Variants in SLC35F4 observed in about 807,000 individuals in gnomAD.
SLC35F4 encodes solute carrier family 35 member F4, also known as chromosome 14 open reading frame 36.
In SLC35F4, 24 loss-of-function variants were observed where a neutral mutation model predicts 44.2. The observed-to-expected ratio is 0.54, with a 90% CI of 0.39 to 0.76. The LOEUF is 0.76. Ranked by LOEUF, SLC35F4 falls within the 30% of genes least tolerant of loss-of-function variation. The pLI, the probability that SLC35F4 is intolerant of heterozygous loss-of-function variation, is 0.00. For synonymous variants in SLC35F4, 238 were observed against 223.6 expected (o/e 1.06, Z -0.57); for missense variants, 562 against 586.1 (o/e 0.96, Z 0.42).
At chr14:57,599,625 T>C (rs919574156) in intron 1 of SLC35F4, among the ~76,000 whole-genome samples, 25 of 151,920 alleles carry the variant, frequency 1.6e-4, no homozygotes, top group Non-Finnish European at 2.9e-5. Flanking sequence ...GTGGATCACC[T>C]GAGGTCAGTA....
At chr14:57,872,644 G>A (rs1244695902) in intron 1 of SLC35F4, among the ~76,000 whole-genome samples, 1 of 152,080 alleles carries the variant, frequency 6.6e-6, no homozygotes, top group Admixed American at 6.6e-5. Context: ...GAAAGTGCAG[G>A]GGACAGATGT....
At chr14:57,811,910 C>T (rs1011191720) in intron 1 of SLC35F4, among the ~76,000 whole-genome samples, 6 of 152,048 alleles carry the variant, frequency 3.9e-5, no homozygotes, top group African/African-American at 1.4e-4. Context: ...GGAGCCCAGA[C>T]ATTTGAGGCT....
At chr14:57,684,691 C>T (rs1475826809) in intron 1 of SLC35F4, among the ~76,000 whole-genome samples, 1 of 152,178 alleles carries the variant, frequency 6.6e-6, no homozygotes, top group African/African-American at 2.4e-5. Flanking sequence ...TGGCCTCCCT[C>T]CTGACAGAAA....
intron 1 of SLC35F4, among the ~76,000 whole-genome samples, chr14:57,741,095 A>T (rs1277129047): frequency 6.6e-6 from 1 of 152,228 alleles, no homozygotes; most frequent in Non-Finnish European, 1.5e-5. Context: ...ACCATCATCA[A>T]AGACCAAAGG....
intron 1 of SLC35F4, among the ~76,000 whole-genome samples, chr14:57,661,552 A>G (rs1195956567): frequency 6.6e-6 from 1 of 152,228 alleles, no homozygotes; most frequent in Admixed American, 6.5e-5. Flanking sequence ...GCAGTAATAA[A>G]TCAGTAAGAA....
downstream of SLC35F4, among the ~76,000 whole-genome samples, chr14:57,974,400 C>T (rs1881148448): frequency 6.6e-6 from 1 of 152,160 alleles, no homozygotes; most frequent in South Asian, 2.1e-4. Flanking sequence ...TGAAATAAGT[C>T]ATTAAAGCCA....
intron 1 of SLC35F4, among the ~76,000 whole-genome samples, chr14:57,862,214 G>T (rs1348717010): frequency 3.9e-5 from 6 of 152,006 alleles, no homozygotes; most frequent in African/African-American, 1.5e-4. Context: ...ATCTATCAGG[G>T]TACCCTATTG....
intron 1 of SLC35F4, among the ~76,000 whole-genome samples, chr14:57,952,494 C>A (rs892698125): frequency 2.0e-5 from 3 of 151,866 alleles, no homozygotes; most frequent in Non-Finnish European, 2.9e-5. Flanking sequence ...CTCCTCTGAG[C>A]TAAAGGAGCA....
At position 57,709,340 on chromosome 14, in the gene SLC35F4, G is replaced by A. The variant is rs183582952; in HGVS notation, c.104-115216C>T. On this transcript the variant is annotated intron_variant, in intron 1 of 7. Transcript: ENST00000556826. ...ACTGTCCAGGCATAACAGAAGGCTC[G>A]CACTCTTGTCTTCTGGTCACTTCTC... Among the ~76,000 whole-genome samples the A allele has an allele frequency of 1.4e-3, 218 of 152,134 alleles. 2 individuals carry two copies. Among genetic ancestry groups the A allele is most frequent in the South Asian group, 8.6e-3 (41 of 4,794 alleles).
At chr14:57,716,933 ACTTTTTTAG>A (rs2075961368) in intron 1 of SLC35F4, among the ~76,000 whole-genome samples, 1 of 152,058 alleles carries the variant, frequency 6.6e-6, no homozygotes, top group East Asian at 1.9e-4. Context: ...TATGAGATCA[ACTTTTTTAG>A]CTTCCACATA....
chr14:57,783,878 A>G (rs1269164933), intron 1 of SLC35F4, among the ~76,000 whole-genome samples: 1 of 152,190 alleles, frequency 6.6e-6, no homozygotes, highest in East Asian at 1.9e-4. Context: ...GATTGTCAAC[A>G]CTATGGAAGA....
chr14:57,650,720 G>A (rs1463473515), intron 1 of SLC35F4, among the ~76,000 whole-genome samples: 1 of 152,096 alleles, frequency 6.6e-6, no homozygotes, highest in African/African-American at 2.4e-5. Context: ...CTTAAATCCA[G>A]ACTCTTTCCT....
chr14:57,613,770 A>C (rs755089399), intron 1 of SLC35F4, among the ~76,000 whole-genome samples: 4 of 152,226 alleles, frequency 2.6e-5, no homozygotes, highest in Non-Finnish European at 5.9e-5. Context: ...CTGGAAGAGA[A>C]AGACAGCTCT....
chr14:57,676,499 T>A lies in SLC35F4; in HGVS notation c.104-82375A>T, dbSNP rs183666547. ...TTAATACCTAGGTGATGGGTTGACA[T>A]GTGCAGCAAACCATCATGGCACATA... On this transcript the variant is annotated intron_variant, in intron 1 of 7. Transcript: ENST00000556826. Among the ~76,000 whole-genome samples the A allele has an allele frequency of 3.2e-4, 48 of 152,170 alleles. No homozygotes were observed. In the East Asian group the frequency reaches 8.5e-3, roughly 27 times the overall value.
At chr14:57,629,923 C>G (rs1214106802) in intron 1 of SLC35F4, 1 of 481,596 alleles carries the variant, frequency 2.1e-6, no homozygotes, top group Non-Finnish European at 4.1e-6. Context: ...ACCAGTATCG[C>G]TGAACACATC....
chr14:57,642,122 G>A (rs558226326), intron 1 of SLC35F4, among the ~76,000 whole-genome samples: 3 of 151,848 alleles, frequency 2.0e-5, no homozygotes, highest in Non-Finnish European at 2.9e-5. Flanking sequence ...TCCCACAGTT[G>A]CCCATTAATA....
intron 3 of SLC35F4, among the ~76,000 whole-genome samples, chr14:57,585,303 A>G (rs2069622632): frequency 6.6e-6 from 1 of 152,176 alleles, no homozygotes; most frequent in Admixed American, 6.5e-5. Context: ...CTTCATACTA[A>G]AAGTTCTTAA....
chr14:57,712,387 A>G (rs2075836558), intron 1 of SLC35F4, among the ~76,000 whole-genome samples: 1 of 152,244 alleles, frequency 6.6e-6, no homozygotes, highest in Non-Finnish European at 1.5e-5. Context: ...GTTTTAGCAC[A>G]TAAGTCATGA....
rs529491975 is a variant in SLC35F4 at position 57,897,424 on chromosome 14, G to A, written n.282+84489C>T. ...CAAGAAGAACCAAAAAAGGATTTAG[G>A]GCAAGTACACAAACCATCCTTTATG... On this transcript the variant is annotated intron_variant and non_coding_transcript_variant, in intron 1 of 1. Transcript: ENST00000556568. Among the ~76,000 whole-genome samples the A allele has an allele frequency of 2.0e-5, 3 of 151,972 alleles. No individual in the cohort carries two copies. The South Asian group carries it at 6.2e-4, about 32-fold the overall frequency.
Sources: allele counts gnomAD v4.1 joint callset (sites outside exome capture counted in the v4.1 genomes callset), GRCh38; gene constraint gnomAD v4.1.1; transcripts MANE v1.5; gene names NCBI Gene and HGNC (gene_info 2026-07-23, HGNC 2026-07-21).